AUTS2: variants seen among roughly 807,000 people sequenced by gnomAD.
AUTS2 encodes the protein autism susceptibility gene 2 protein.
AUTS2 carries 17 observed loss-of-function variants against 112.4 expected under a neutral mutation model. The observed-to-expected ratio is 0.15, with a 90% CI of 0.10 to 0.23. The LOEUF (loss-of-function observed/expected upper bound fraction) is 0.23, where lower values mean the gene tolerates loss of function less well. AUTS2 is among the 10% of genes least tolerant of loss of function. AUTS2 has a pLI of 1.00. For missense variants in AUTS2, 1,510 were observed against 1,701.6 expected (o/e 0.89, Z 1.98); for synonymous variants, 751 against 702.7 (o/e 1.07, Z -1.09).
chr7:69,661,499 T>A (rs1156338163), intron 1 of AUTS2, among the ~76,000 whole-genome samples: 1 of 152,168 alleles, frequency 6.6e-6, no homozygotes, highest in African/African-American at 2.4e-5. Flanking sequence ...CCATCTGGTG[T>A]TGGTGGTTGT....
At position 70,647,391 on chromosome 7, in the gene AUTS2, G is replaced by A. The variant is rs141589949; in HGVS notation, c.691-51178G>A. Among the ~76,000 whole-genome samples, 384 of 152,330 alleles carry A rather than the reference G, an allele frequency of 2.5e-3. 1 individual carries two copies. Among genetic ancestry groups the A allele is most frequent in the Non-Finnish European group, 4.6e-3 (311 of 68,032 alleles). On this transcript the variant is annotated intron_variant, in intron 5 of 18. Coordinates refer to ENST00000342771, the MANE Select transcript of AUTS2 (RefSeq NM_015570.4). ...AGCCCTGAATGTGCCTGGACAAGAT[G>A]ACCGGTAAAGGCCATTCCAGCTCTC...
chr7:70,662,503 G>A (rs888206552), intron 5 of AUTS2, among the ~76,000 whole-genome samples: 43 of 152,160 alleles, frequency 2.8e-4, no homozygotes, highest in African/African-American at 8.9e-4. Context: ...GTGTTCAAGC[G>A]AGAGTTGTAA....
chr7:70,049,714 T>C (rs1433741333), intron 2 of AUTS2, among the ~76,000 whole-genome samples: 1 of 152,096 alleles, frequency 6.6e-6, no homozygotes, highest in African/African-American at 2.4e-5. Context: ...TAAAAATATA[T>C]GAAGATAGGC....
At chr7:70,429,223 T>C (rs1441561570) in intron 4 of AUTS2, among the ~76,000 whole-genome samples, 3 of 152,208 alleles carry the variant, frequency 2.0e-5, no homozygotes, top group Non-Finnish European at 4.4e-5. Context: ...AAGAATGAGA[T>C]TGACTTGTCA....
chr7:69,762,023 C>T (rs1788204805), intron 1 of AUTS2, among the ~76,000 whole-genome samples: 1 of 152,062 alleles, frequency 6.6e-6, no homozygotes, highest in Non-Finnish European at 1.5e-5. Context: ...AAATTCTTAG[C>T]CTTATGGAAT....
chr7:70,360,449 A>AGGG (rs1361378544), intron 4 of AUTS2, among the ~76,000 whole-genome samples: 2 of 152,182 alleles, frequency 1.3e-5, no homozygotes, highest in Admixed American at 1.3e-4. Flanking sequence ...CTAAGCAAGT[A>AGGG]TCTTTAAATG....
intron 2 of AUTS2, among the ~76,000 whole-genome samples, chr7:69,976,384 G>C (rs1165325705): frequency 6.6e-6 from 1 of 152,126 alleles, no homozygotes; most frequent in Admixed American, 6.5e-5. Flanking sequence ...ACGGCATACT[G>C]TTTGTCCATT....
intron 5 of AUTS2, among the ~76,000 whole-genome samples, chr7:70,615,620 T>C (rs952331435): frequency 6.6e-6 from 1 of 151,730 alleles, no homozygotes; most frequent in Non-Finnish European, 1.5e-5. Flanking sequence ...GCATTTATTC[T>C]CTTTAGGAGC....
intron 4 of AUTS2, among the ~76,000 whole-genome samples, chr7:70,265,810 A>C (rs1196444843): frequency 6.6e-6 from 1 of 152,214 alleles, no homozygotes. Context: ...TTATAACTTA[A>C]ATGTGGTTCA....
chr7:69,949,117 T>G (rs555184388), intron 2 of AUTS2, among the ~76,000 whole-genome samples: 1 of 152,180 alleles, frequency 6.6e-6, no homozygotes, highest in African/African-American at 2.4e-5. Context: ...TATTTCTTGA[T>G]TTTTATTAGT....
At chr7:69,793,703 C>T (rs1440763408) in intron 1 of AUTS2, among the ~76,000 whole-genome samples, 1 of 152,112 alleles carries the variant, frequency 6.6e-6, no homozygotes, top group Non-Finnish European at 1.5e-5. Flanking sequence ...ACAATCAGAT[C>T]AGAACTTCTG....
intron 4 of AUTS2, among the ~76,000 whole-genome samples, chr7:70,429,424 G>A (rs1203911464): frequency 2.6e-5 from 4 of 152,216 alleles, no homozygotes; most frequent in Admixed American, 6.5e-5. Flanking sequence ...ATTCAAAAAA[G>A]GAACTGTGTT....
rs1002648003 is a variant in AUTS2 at position 70,267,588 on chromosome 7, G to A, written c.660+133017G>A. 2.6e-5 allele frequency among the ~76,000 whole-genome samples: 4 copies of A among 152,260 alleles called. 1 individual carries two copies. The highest frequency in any genetic ancestry group is 2.6e-4 in the Admixed American group (4 of 15,292). ...CAGACAGCTCCATGGCCTGAATTTC[G>A]TTAGCTGTGTGACAATGGGAGAGAT... On this transcript the variant is annotated intron_variant, in intron 4 of 18. Coordinates refer to ENST00000342771, the MANE Select transcript of AUTS2 (RefSeq NM_015570.4).
At position 69,670,702 on chromosome 7, in the gene AUTS2, C is replaced by A. The variant is rs193109933; in HGVS notation, c.309+70740C>A. 2.0e-5 allele frequency among the ~76,000 whole-genome samples: 3 copies of A among 151,702 alleles called. No homozygotes were observed. The East Asian group carries it at 5.8e-4, about 29-fold the overall frequency. On this transcript the variant is annotated intron_variant, in intron 1 of 18. Transcript: ENST00000342771. Reference sequence around the variant, plus strand: ...TACCAATCTGGGTAACATAATCAGACCCTATCTCTACAAAAAGATTAAAAA... The same window carrying A: ...TACCAATCTGGGTAACATAATCAGAACCTATCTCTACAAAAAGATTAAAAA...
At chr7:70,726,964 G>C (rs1156237002) in intron 6 of AUTS2, among the ~76,000 whole-genome samples, 1 of 152,168 alleles carries the variant, frequency 6.6e-6, no homozygotes, top group Non-Finnish European at 1.5e-5. Context: ...AAAGGCAGAC[G>C]CTAGTGAAGA....
intron 5 of AUTS2, among the ~76,000 whole-genome samples, chr7:70,608,267 C>G (rs1803886838): frequency 1.3e-5 from 2 of 152,042 alleles, no homozygotes; most frequent in South Asian, 4.2e-4. Context: ...CCATACCCAG[C>G]TAATTTTTAA....
At chr7:70,276,438 G>A (rs1435025202) in intron 4 of AUTS2, among the ~76,000 whole-genome samples, 2 of 150,152 alleles carry the variant, frequency 1.3e-5, no homozygotes, top group African/African-American at 4.9e-5. Context: ...GCAATGGTGT[G>A]TGTGATTTCG....
intron 2 of AUTS2, among the ~76,000 whole-genome samples, chr7:70,091,018 C>T (rs541771766): frequency 3.7e-4 from 56 of 152,264 alleles, no homozygotes; most frequent in Non-Finnish European, 3.4e-4. Flanking sequence ...GTGATTAATT[C>T]TTTCAGCTTT....
intron 4 of AUTS2, among the ~76,000 whole-genome samples, chr7:70,232,178 C>A (rs994649705): frequency 3.5e-4 from 54 of 152,208 alleles, no homozygotes; most frequent in African/African-American, 1.2e-3. Flanking sequence ...TGAAATTTAT[C>A]CATGTTTTAG....
Sources: allele counts gnomAD v4.1 joint callset (sites outside exome capture counted in the v4.1 genomes callset), GRCh38; gene constraint gnomAD v4.1.1; transcripts MANE v1.5; gene names NCBI Gene and HGNC (gene_info 2026-07-23, HGNC 2026-07-21).